The following NRXN1 variants were observed in gnomAD, a reference collection of about 807,000 sequenced individuals.
NRXN1 encodes neurexin 1.
NRXN1 carries 39 observed loss-of-function variants against 150.9 expected under a neutral mutation model. The observed-to-expected ratio is 0.26, with a 90% CI of 0.20 to 0.34. The LOEUF (loss-of-function observed/expected upper bound fraction) is 0.34. Among genes scored for constraint, NRXN1 ranks in the 10% least tolerant of loss-of-function variants. The pLI, the probability that NRXN1 is intolerant of heterozygous loss-of-function variation, is 1.00. For missense variants in NRXN1, 1,815 were observed against 1,949.9 expected (o/e 0.93, Z 1.30); for synonymous variants, 924 against 757.0 (o/e 1.22, Z -3.62).
intron 17 of NRXN1, among the ~76,000 whole-genome samples, chr2:50,291,245 AT>A (rs1015021724): frequency 2.7e-5 from 4 of 149,068 alleles, no homozygotes; most frequent in African/African-American, 7.7e-5. Context: ...AACCTGGTTT[AT>A]TTTTTTCCCA....
chr2:50,340,167 G>C (rs59392224), intron 17 of NRXN1, among the ~76,000 whole-genome samples: 15,926 of 152,164 alleles, frequency 0.1, 1,194 homozygotes, highest in East Asian at 0.38. Context: ...ATGATTAAAT[G>C]AGACACTTTA....
intron 18 of NRXN1, among the ~76,000 whole-genome samples, chr2:50,201,917 T>C (rs2062195482): frequency 6.6e-6 from 1 of 152,188 alleles, no homozygotes; most frequent in African/African-American, 2.4e-5. Flanking sequence ...TCCTTACCTG[T>C]ATTTAAAAGT....
At chr2:50,920,031 C>A in intron 5 of NRXN1, 1 of 382,392 alleles carries the variant, frequency 2.6e-6, no homozygotes, top group Non-Finnish European at 5.7e-6. Context: ...GACTTACAAT[C>A]ACCTTTCTCA....
intron 5 of NRXN1, among the ~76,000 whole-genome samples, chr2:50,730,667 G>C (rs1012666234): frequency 9.3e-6 from 1 of 107,092 alleles, no homozygotes; most frequent in Non-Finnish European, 1.9e-5. Context: ...TATCTTTCTT[G>C]TTTTCTTTTT....
At chr2:49,942,127 G>T (rs1184112874) in intron 22 of NRXN1, among the ~76,000 whole-genome samples, 2 of 152,126 alleles carry the variant, frequency 1.3e-5, no homozygotes, top group Non-Finnish European at 2.9e-5. Flanking sequence ...TGATTGCAGA[G>T]GCCAATGAGC....
intron 2 of NRXN1, among the ~76,000 whole-genome samples, chr2:50,969,068 C>T (rs1239614828): frequency 6.6e-6 from 1 of 152,052 alleles, no homozygotes; most frequent in Non-Finnish European, 1.5e-5. Flanking sequence ...TTGTACTTAG[C>T]AAATTGGCCA....
At chr2:50,770,615 C>T (rs529741495) in intron 5 of NRXN1, among the ~76,000 whole-genome samples, 4 of 152,112 alleles carry the variant, frequency 2.6e-5, no homozygotes, top group African/African-American at 9.6e-5. Context: ...GAAATCTAAC[C>T]ATAATTGCTT....
intron 18 of NRXN1, among the ~76,000 whole-genome samples, chr2:50,145,370 T>C (rs1224776198): frequency 4.0e-5 from 6 of 151,682 alleles, no homozygotes; most frequent in Admixed American, 2.0e-4. Context: ...TCATGGCGCT[T>C]TACCTCTTAA....
chr2:50,174,368 T>TTTATTTATTTA (rs2060222068), intron 18 of NRXN1, among the ~76,000 whole-genome samples: 5 of 152,258 alleles, frequency 3.3e-5, no homozygotes. Flanking sequence ...ACAAGGTTTA[T>TTTATTTATTTA]TTAAAAAAAT....
intron 9 of NRXN1, among the ~76,000 whole-genome samples, chr2:50,540,811 G>A (rs1175640923): frequency 6.6e-6 from 1 of 152,024 alleles, no homozygotes. Context: ...ACAGGTGTAC[G>A]CCATCACAGC....
intron 5 of NRXN1, among the ~76,000 whole-genome samples, chr2:50,883,639 C>A (rs1679790997): frequency 1.3e-5 from 2 of 151,638 alleles, no homozygotes; most frequent in Admixed American, 1.3e-4. Flanking sequence ...CACTATAGGA[C>A]TTACATAAAG....
intron 18 of NRXN1, among the ~76,000 whole-genome samples, chr2:50,223,532 A>C (rs566170668): frequency 6.6e-6 from 1 of 152,086 alleles, no homozygotes; most frequent in African/African-American, 2.4e-5. Flanking sequence ...CTAGACGAGT[A>C]GCTGTCTAAC....
intron 5 of NRXN1, among the ~76,000 whole-genome samples, chr2:50,873,331 T>G (rs1678068980): frequency 6.6e-6 from 1 of 151,918 alleles, no homozygotes; most frequent in Non-Finnish European, 1.5e-5. Context: ...CCAAAATTCC[T>G]GCTACAGAAT....
At chr2:50,988,346 A>AT (rs1056964381) in intron 2 of NRXN1, among the ~76,000 whole-genome samples, 8 of 151,856 alleles carry the variant, frequency 5.3e-5, no homozygotes, top group Non-Finnish European at 1.0e-4. Context: ...ATTTACATTT[A>AT]TTTTTTCCCC....
intron 5 of NRXN1, among the ~76,000 whole-genome samples, chr2:50,902,024 A>G (rs531171643): frequency 3.9e-5 from 6 of 152,188 alleles, no homozygotes; most frequent in Non-Finnish European, 7.3e-5. Flanking sequence ...AAAGTCATGA[A>G]GTTCTCCAAA....
chr2:50,309,563 T>TA (rs1344070992), intron 17 of NRXN1, among the ~76,000 whole-genome samples: 1 of 152,218 alleles, frequency 6.6e-6, no homozygotes, highest in African/African-American at 2.4e-5. Context: ...TTCACATGTG[T>TA]AAAATTCTGT....
At chr2:50,833,527 A>G (rs1198848965) in intron 5 of NRXN1, among the ~76,000 whole-genome samples, 1 of 152,202 alleles carries the variant, frequency 6.6e-6, no homozygotes, top group Non-Finnish European at 1.5e-5. Flanking sequence ...GGTCAAGCTG[A>G]CAGAAACAAG....
Position 50,722,765 on chromosome 2 carries a change from T to G in NRXN1, c.833-99150A>C, listed in dbSNP as rs1044790402. ...GACTTAACAACAACAAAAATCAATT[T>G]GAAATTCTTTCGAATTGGGGAAAGT... On this transcript the variant is annotated intron_variant, in intron 5 of 22. Transcript: ENST00000401669. Among the ~76,000 whole-genome samples, 12 of 152,330 alleles carry G rather than the reference T, an allele frequency of 7.9e-5. No homozygotes were observed. In the East Asian group the frequency reaches 2.3e-3, roughly 29 times the overall value.
At chr2:50,665,002 T>C (rs1181390341) in intron 5 of NRXN1, among the ~76,000 whole-genome samples, 1 of 152,004 alleles carries the variant, frequency 6.6e-6, no homozygotes, top group East Asian at 1.9e-4. Context: ...CTTTACAGTA[T>C]CAAATGTGAT....
Sources: gnomAD v4.1 joint callset for allele counts (sites outside exome capture counted in the v4.1 genomes callset) on GRCh38, gnomAD v4.1.1 for gene constraint, MANE v1.5 for transcripts, NCBI Gene and HGNC (gene_info 2026-07-23, HGNC 2026-07-21) for gene names.